Variants in HIBADH observed in about 807,000 individuals in gnomAD.
HIBADH encodes the protein 3-hydroxyisobutyrate dehydrogenase, also known as 3-hydroxyisobutyrate dehydrogenase, mitochondrial.
Under a neutral mutation model 36.1 loss-of-function variants are expected in HIBADH, and 25 were observed. The observed-to-expected ratio is 0.69, with a 90% CI of 0.50 to 0.97. The LOEUF (loss-of-function observed/expected upper bound fraction) is 0.97, where lower values mean the gene tolerates loss of function less well. Ranked by LOEUF, HIBADH falls within the 50% of genes least tolerant of loss-of-function variation. The probability of loss-of-function intolerance (pLI) is 0.00; values close to 1 mark genes in which losing one functional copy is unlikely to be tolerated. For missense variants in HIBADH, 421 were observed against 418.0 expected (o/e 1.01, Z -0.06); for synonymous variants, 160 against 149.5 (o/e 1.07, Z -0.51).
At chr7:27,631,412 T>G (rs1785743724) in intron 3 of HIBADH, among the ~76,000 whole-genome samples, 1 of 152,234 alleles carries the variant, frequency 6.6e-6, no homozygotes, top group African/African-American at 2.4e-5. Context: ...TACCAGAAAC[T>G]TCAAATTTCA....
chr7:27,655,828 T>C (rs371390378), intron 1 of HIBADH, among the ~76,000 whole-genome samples: 2 of 152,190 alleles, frequency 1.3e-5, no homozygotes, highest in African/African-American at 4.8e-5. Context: ...GATACCATTT[T>C]TCACCTGTTG....
chr7:27,528,900 A>ACC (rs1313635184), intron 7 of HIBADH, among the ~76,000 whole-genome samples: 1 of 152,230 alleles, frequency 6.6e-6, no homozygotes, highest in Non-Finnish European at 1.5e-5. Context: ...GGACAGGCTA[A>ACC]CCCTCTTGTT....
At chr7:27,578,602 C>A (rs1784748395) in intron 4 of HIBADH, among the ~76,000 whole-genome samples, 1 of 151,802 alleles carries the variant, frequency 6.6e-6, no homozygotes, top group African/African-American at 2.4e-5. Context: ...CAGATGTGAG[C>A]CACCGCGCCC....
intron 4 of HIBADH, among the ~76,000 whole-genome samples, chr7:27,564,027 T>C (rs1414605770): frequency 6.6e-6 from 1 of 151,716 alleles, no homozygotes; most frequent in Non-Finnish European, 1.5e-5. Context: ...GCCTCCCAAG[T>C]AGCTGAGACT....
intron 4 of HIBADH, among the ~76,000 whole-genome samples, chr7:27,624,220 C>T (rs972646583): frequency 2.3e-4 from 35 of 151,902 alleles, no homozygotes; most frequent in African/African-American, 7.7e-4. Context: ...AAAATTTGTA[C>T]GGACCAGAAA....
At chr7:27,562,441 A>G (rs977164313) in intron 4 of HIBADH, among the ~76,000 whole-genome samples, 3 of 152,150 alleles carry the variant, frequency 2.0e-5, no homozygotes, top group Non-Finnish European at 4.4e-5. Context: ...AAATTACCCA[A>G]TCTTATAGAC....
chr7:27,637,861 C>G (rs1196650450), intron 2 of HIBADH, among the ~76,000 whole-genome samples: 6 of 152,162 alleles, frequency 3.9e-5, no homozygotes, highest in African/African-American at 1.4e-4. Context: ...GAATAAAATA[C>G]AGGAATACAG....
At chr7:27,559,419 C>T (rs181017082) in intron 4 of HIBADH, among the ~76,000 whole-genome samples, 213 of 151,994 alleles carry the variant, frequency 1.4e-3, no homozygotes, top group African/African-American at 4.4e-3. Flanking sequence ...GCCAGGAGTT[C>T]GAGACCAGCT....
chr7:27,529,844 T>C (rs1217321335), intron 7 of HIBADH, among the ~76,000 whole-genome samples: 3 of 152,206 alleles, frequency 2.0e-5, no homozygotes, highest in Admixed American at 1.3e-4. Context: ...TTAAACTTCA[T>C]TACTGTCCTA....
intron 2 of HIBADH, among the ~76,000 whole-genome samples, chr7:27,635,644 G>C (rs1402768203): frequency 6.6e-6 from 1 of 152,144 alleles, no homozygotes; most frequent in Admixed American, 6.5e-5. Flanking sequence ...GGGGCTAAGG[G>C]GACTGGAAGC....
At chr7:27,555,299 CTACTT>C (rs1318673274) in intron 4 of HIBADH, among the ~76,000 whole-genome samples, 1 of 99,662 alleles carries the variant, frequency 1.0e-5, no homozygotes, top group African/African-American at 4.0e-5. Flanking sequence ...ATTTCTTGCT[CTACTT>C]TTTTTTTTTT....
chr7:27,653,387 C>G (rs572708197), intron 1 of HIBADH, among the ~76,000 whole-genome samples: 1 of 152,036 alleles, frequency 6.6e-6, no homozygotes, highest in African/African-American at 2.4e-5. Flanking sequence ...TCAGTTTTAC[C>G]CAGGGTAACT....
intron 3 of HIBADH, among the ~76,000 whole-genome samples, chr7:27,630,033 CAAAAT>C (rs1785720425): frequency 6.6e-6 from 1 of 151,714 alleles, no homozygotes; most frequent in Non-Finnish European, 1.5e-5. Context: ...ACTTTAATGA[CAAAAT>C]AAAATATCAA....
At chr7:27,528,606 G>A (rs557962695) in intron 7 of HIBADH, among the ~76,000 whole-genome samples, 2 of 152,334 alleles carry the variant, frequency 1.3e-5, no homozygotes, top group East Asian at 1.9e-4. Flanking sequence ...TGAAGGCTGA[G>A]AGAGGTGAGG....
intron 2 of HIBADH, among the ~76,000 whole-genome samples, chr7:27,646,435 G>A (rs1323261392): frequency 6.6e-6 from 1 of 152,156 alleles, no homozygotes; most frequent in African/African-American, 2.4e-5. Flanking sequence ...CCTCCTCTGA[G>A]AGGTATACAT....
At chr7:27,637,763 C>T (rs1785867282) in intron 2 of HIBADH, among the ~76,000 whole-genome samples, 2 of 152,016 alleles carry the variant, frequency 1.3e-5, no homozygotes, top group Non-Finnish European at 2.9e-5. Context: ...AATCAATGCG[C>T]AAAAATAACT....
chr7:27,608,373 T>C (rs1785266793), intron 4 of HIBADH, among the ~76,000 whole-genome samples: 1 of 152,208 alleles, frequency 6.6e-6, no homozygotes, highest in Non-Finnish European at 1.5e-5. Flanking sequence ...TGCATGTAAA[T>C]TTAAAATGTT....
At chr7:27,586,654 AAGGAGG>A (rs540391385) in intron 4 of HIBADH, among the ~76,000 whole-genome samples, 20 of 152,086 alleles carry the variant, frequency 1.3e-4, no homozygotes, top group African/African-American at 2.7e-4. Flanking sequence ...GAAGAAGAAA[AAGGAGG>A]AGGAGGAGGA....
At position 27,608,273 on chromosome 7, in the gene HIBADH, A is replaced by G. The variant is rs531045303; in HGVS notation, c.484+21098T>C. Among the ~76,000 whole-genome samples the G allele has an allele frequency of 3.3e-5, 5 of 152,320 alleles. No individual in the cohort carries two copies. In the South Asian group the frequency reaches 1.0e-3, roughly 32 times the overall value. On this transcript the variant is annotated intron_variant, in intron 4 of 7. Transcript: ENST00000265395. ...AACAACAATCTTCTACCTTCAGGTC[A>G]GGTCAAAATCCCTCCAAGGCAAAAG...
Sources: gnomAD v4.1 joint callset for allele counts (sites outside exome capture counted in the v4.1 genomes callset) on GRCh38, gnomAD v4.1.1 for gene constraint, MANE v1.5 for transcripts, NCBI Gene and HGNC (gene_info 2026-07-23, HGNC 2026-07-21) for gene names.